Variants in PBX1 observed in about 807,000 individuals in gnomAD.
The protein encoded by PBX1 is PBX homeobox 1.
In PBX1, 6 loss-of-function variants were observed where a neutral mutation model predicts 53.4. The ratio of observed to expected loss-of-function variants is 0.11; its 90% CI spans 0.06 to 0.22. The LOEUF is 0.22. PBX1 is among the 10% of genes least tolerant of loss of function. PBX1 has a pLI of 1.00. For missense variants in PBX1, 251 were observed against 551.4 expected, an observed-to-expected ratio of 0.46 and a Z score of 5.46; for synonymous variants, 204 against 212.3, an observed-to-expected ratio of 0.96 and a Z score of 0.34.
At chr1:164,567,735 C>T (rs926325458) in intron 2 of PBX1, among the ~76,000 whole-genome samples, 1 of 152,166 alleles carries the variant, frequency 6.6e-6, no homozygotes, top group Non-Finnish European at 1.5e-5. Context: ...TAGAACAATT[C>T]TGGCTTTTGA....
intron 2 of PBX1, chr1:164,631,162 T>A (rs1385014343): frequency 2.6e-5 from 4 of 152,234 alleles, no homozygotes; most frequent in African/African-American, 9.6e-5. Context: ...GTTGTTTTTG[T>A]TTTTGTTTGG....
chr1:164,835,588 T>C (rs1219881747), intron 8 of PBX1, among the ~76,000 whole-genome samples: 4 of 152,220 alleles, frequency 2.6e-5, no homozygotes, highest in African/African-American at 9.6e-5. Context: ...TTTATATGTT[T>C]ATTGGCCTTT....
intron 3 of PBX1, among the ~76,000 whole-genome samples, chr1:164,793,584 T>C (rs949480269): frequency 1.3e-5 from 2 of 152,162 alleles, no homozygotes; most frequent in South Asian, 2.1e-4. Context: ...CCCTCTCTAA[T>C]AGAGAACCCC....
At chr1:164,658,172 A>T (rs954499367) in intron 2 of PBX1, among the ~76,000 whole-genome samples, 5 of 152,108 alleles carry the variant, frequency 3.3e-5, no homozygotes, top group African/African-American at 1.2e-4. Flanking sequence ...GGTACAAAAA[A>T]AAAAAAAAAG....
chr1:164,805,409 G>A (rs1178013338), intron 4 of PBX1, among the ~76,000 whole-genome samples: 1 of 152,176 alleles, frequency 6.6e-6, no homozygotes, highest in Non-Finnish European at 1.5e-5. Context: ...TGATAAGCGA[G>A]TCCATCAGAG....
intron 2 of PBX1, among the ~76,000 whole-genome samples, chr1:164,707,761 C>G (rs1663524993): frequency 1.3e-5 from 2 of 152,126 alleles, no homozygotes; most frequent in African/African-American, 4.8e-5. Context: ...GATGGGGAAG[C>G]CTTGTCTGAG....
At chr1:164,678,452 A>G (rs185316694) in intron 2 of PBX1, among the ~76,000 whole-genome samples, 5 of 152,280 alleles carry the variant, frequency 3.3e-5, no homozygotes, top group South Asian at 2.1e-4. Flanking sequence ...GTTTTGTGCT[A>G]TTGTCCTCCA....
chr1:164,791,688 TAA>T (rs891029999), intron 2 of PBX1, among the ~76,000 whole-genome samples: 4 of 152,088 alleles, frequency 2.6e-5, no homozygotes, highest in Non-Finnish European at 5.9e-5. Context: ...AAAGGAGAAA[TAA>T]AGAGGGAAAT....
intron 2 of PBX1, among the ~76,000 whole-genome samples, chr1:164,691,580 G>C (rs1662491133): frequency 6.6e-6 from 1 of 152,162 alleles, no homozygotes; most frequent in Non-Finnish European, 1.5e-5. Flanking sequence ...ACCTGAGGCT[G>C]AAGCGTCTTC....
chr1:164,673,865 T>C (rs1661267694), intron 2 of PBX1, among the ~76,000 whole-genome samples: 1 of 151,926 alleles, frequency 6.6e-6, no homozygotes, highest in African/African-American at 2.4e-5. Flanking sequence ...CTCTGGAGCT[T>C]CTGGAGTCCC....
intron 8 of PBX1, among the ~76,000 whole-genome samples, chr1:164,835,285 T>C (rs1313438509): frequency 6.6e-6 from 1 of 151,802 alleles, no homozygotes; most frequent in Non-Finnish European, 1.5e-5. Flanking sequence ...GGTGGTAAGC[T>C]TTATAGTACA....
chr1:164,682,093 A>G (rs1661808924), intron 2 of PBX1: 1 of 152,246 alleles, frequency 6.6e-6, no homozygotes, highest in Non-Finnish European at 1.5e-5. Context: ...TTTACATACA[A>G]TGGTAACATA....
chr1:164,704,476 T>G (rs1663311576), intron 2 of PBX1, among the ~76,000 whole-genome samples: 2 of 152,348 alleles, frequency 1.3e-5, no homozygotes, highest in African/African-American at 4.8e-5. Context: ...ATAAGTGCCC[T>G]TTGTAGTTGT....
chr1:164,793,126 G>A (rs1216957630), intron 3 of PBX1, among the ~76,000 whole-genome samples: 1 of 152,130 alleles, frequency 6.6e-6, no homozygotes, highest in African/African-American at 2.4e-5. Context: ...CAAGAAGGTG[G>A]GAGGTTTTCT....
At chr1:164,774,506 A>G (rs1013369662) in intron 2 of PBX1, 3 of 152,238 alleles carry the variant, frequency 2.0e-5, no homozygotes, top group African/African-American at 7.2e-5. Flanking sequence ...TGAGTTGCAC[A>G]TCACCAAGTG....
chr1:164,623,968 G>A (rs1452291190), intron 2 of PBX1, among the ~76,000 whole-genome samples: 1 of 152,198 alleles, frequency 6.6e-6, no homozygotes, highest in Non-Finnish European at 1.5e-5. Flanking sequence ...GAATGGATGA[G>A]TGGAAATCAG....
intron 2 of PBX1, among the ~76,000 whole-genome samples, chr1:164,658,430 T>C (rs1660292693): frequency 6.6e-6 from 1 of 152,170 alleles, no homozygotes; most frequent in African/African-American, 2.4e-5. Flanking sequence ...CCAAAATAAG[T>C]ACAGATAATT....
At position 164,849,030 on chromosome 1, in the gene PBX1, T is replaced by G; in HGVS notation, c.*2354T>G. The G allele has an allele frequency of 8.2e-7, 1 of 1,218,454 alleles. No individual in the cohort carries two copies. Among genetic ancestry groups the G allele is most frequent in the Non-Finnish European group, 1.0e-6 (1 of 972,402 alleles). 75.5% of individuals were successfully genotyped at this position (1,218,454 alleles called of 1,614,324 possible). On this transcript the variant is annotated 3_prime_UTR_variant, in exon 9 of 9. Transcript: ENST00000420696. ...GAGCATTTTTGTGACAACTTCATAG[T>G]GATTAGAATCAGTGGAGAACTCCAT...
rs780472791 is a variant in PBX1, at chr1:164,861,881, C to T, written n.257+30398C>T. 4.7e-4 allele frequency among the ~76,000 whole-genome samples: 71 copies of T among 152,044 alleles called. 1 individual carries two copies. The highest frequency in any genetic ancestry group is 9.4e-4 in the Non-Finnish European group (64 of 68,006). ...GGTAGGTTTGAGGAATTGCAAGGAG[C>T]CCAAGGTGGCTGGATCAGAGAAAGT... On this transcript the variant is annotated intron_variant and non_coding_transcript_variant, in intron 2 of 2. Transcript: ENST00000558796.
Sources: gnomAD v4.1 joint callset for allele counts (sites outside exome capture counted in the v4.1 genomes callset) on GRCh38, gnomAD v4.1.1 for gene constraint, MANE v1.5 for transcripts, NCBI Gene and HGNC (gene_info 2026-07-23, HGNC 2026-07-21) for gene names.